Variants in KLHL3 observed in about 807,000 individuals in gnomAD.
The protein encoded by KLHL3 is kelch-like protein 3.
KLHL3 carries 19 observed loss-of-function variants against 70.5 expected under a neutral mutation model. The ratio of observed to expected loss-of-function variants is 0.27; its 90% confidence interval spans 0.19 to 0.40. The LOEUF (loss-of-function observed/expected upper bound fraction) is 0.40, where lower values mean the gene tolerates loss of function less well. Ranked by LOEUF, KLHL3 falls within the 10% of genes least tolerant of loss-of-function variation. The pLI, the probability that KLHL3 is intolerant of heterozygous loss-of-function variation, is 1.00. For synonymous variants in KLHL3, 258 were observed against 290.3 expected (o/e 0.89, Z 1.13); for missense variants, 512 against 771.1 (o/e 0.66, Z 3.98).
chr5:137,722,828 G>A (rs1036716096), intron 1 of KLHL3, among the ~76,000 whole-genome samples: 22 of 151,968 alleles, frequency 1.4e-4, no homozygotes, highest in East Asian at 7.7e-4. Flanking sequence ...CACCACAACC[G>A]GCTAATTTTT....
At chr5:137,717,830 A>T (rs1228725827) in intron 2 of KLHL3, among the ~76,000 whole-genome samples, 2 of 152,238 alleles carry the variant, frequency 1.3e-5, no homozygotes, top group African/African-American at 4.8e-5. Flanking sequence ...CTAGCCAGTC[A>T]AATATATATA....
intron 8 of KLHL3, among the ~76,000 whole-genome samples, chr5:137,655,993 G>GA (rs11442441): frequency 0.74 from 80,264 of 107,998 alleles, 29,235 homozygotes; most frequent in Middle Eastern, 0.84. Context: ...TCTGCCTCAA[G>GA]AAAAAAAAAA....
intron 4 of KLHL3, among the ~76,000 whole-genome samples, chr5:137,693,744 TGA>T (rs1246993040): frequency 2.6e-5 from 4 of 152,294 alleles, no homozygotes; most frequent in South Asian, 4.1e-4. Context: ...GCCCTGGCTC[TGA>T]GAGAGTGACT....
At chr5:137,664,425 A>C (rs1751562699) in intron 6 of KLHL3, among the ~76,000 whole-genome samples, 1 of 151,124 alleles carries the variant, frequency 6.6e-6, no homozygotes, top group Non-Finnish European at 1.5e-5. Context: ...TCTTATATCC[A>C]AAAAAAAATG....
chr5:137,681,133 GT>G (rs1752015456), intron 5 of KLHL3, among the ~76,000 whole-genome samples: 1 of 152,102 alleles, frequency 6.6e-6, no homozygotes, highest in Non-Finnish European at 1.5e-5. Context: ...AGTGGTATAG[GT>G]TATTCAGTTC....
At chr5:137,669,417 G>A (rs748567193) in intron 6 of KLHL3, among the ~76,000 whole-genome samples, 10 of 150,164 alleles carry the variant, frequency 6.7e-5, no homozygotes, top group Admixed American at 1.3e-4. Flanking sequence ...ATGAATGAAT[G>A]TATGTATGGT....
chr5:137,662,069 G>C (rs1421945665), intron 6 of KLHL3, 38 bp from the exon 7 acceptor site: 2 of 786,508 alleles, frequency 2.5e-6, no homozygotes, highest in East Asian at 6.6e-5. Flanking sequence ...TCAGTAAAGA[G>C]ACAAAAGCTT....
intron 8 of KLHL3, among the ~76,000 whole-genome samples, chr5:137,645,445 T>C (rs1277083864): frequency 2.0e-5 from 3 of 152,006 alleles, no homozygotes; most frequent in East Asian, 1.9e-4. Context: ...AATGAATAAA[T>C]GAATTGGCAA....
chr5:137,634,189 T>C, intron 11 of KLHL3, 24 bp from the exon 12 acceptor site: 1 of 1,586,664 alleles, frequency 6.3e-7, no homozygotes, highest in Non-Finnish European at 8.6e-7. Context: ...AGTGGCTGAG[T>C]GTGGTGCCAG....
Position 137,618,817 on chromosome 5 carries a change from C to T in KLHL3, c.*3281G>A, listed in dbSNP as rs1416413582. ...CGGGCAAGTGCTGAGTCGAACATAA[C>T]ATCAGTCCCTAGCAATTCAAGAAAC... On this transcript the variant is annotated 3_prime_UTR_variant, in exon 15 of 15. Transcript: ENST00000309755. 1 of 143,696 alleles carries T rather than the reference C, an allele frequency of 7.0e-6. No homozygotes were observed. The highest frequency in any genetic ancestry group is 1.5e-5 in the Non-Finnish European group (1 of 66,326). The allele number at this position is 143,696 out of a possible 1,614,324, so 8.9% of individuals were successfully genotyped here.
chr5:137,650,981 T>C (rs1282601136), intron 8 of KLHL3, among the ~76,000 whole-genome samples: 2 of 152,220 alleles, frequency 1.3e-5, no homozygotes, highest in Non-Finnish European at 2.9e-5. Context: ...TTTGGACTTG[T>C]AGGCTTGAAT....
chr5:137,716,721 C>T (rs766783056), intron 2 of KLHL3, among the ~76,000 whole-genome samples: 3 of 152,140 alleles, frequency 2.0e-5, no homozygotes, highest in South Asian at 2.1e-4. Flanking sequence ...CCCCTTACTG[C>T]GCAATCTCAA....
chr5:137,717,354 G>A (rs775481375), intron 2 of KLHL3, among the ~76,000 whole-genome samples: 18 of 152,146 alleles, frequency 1.2e-4, no homozygotes, highest in Non-Finnish European at 1.8e-4. Flanking sequence ...CAGACTTGTC[G>A]CCATTAGCTA....
chr5:137,690,199 C>T (rs190601449), intron 5 of KLHL3, among the ~76,000 whole-genome samples: 2,033 of 152,152 alleles, frequency 0.013, 45 homozygotes, highest in African/African-American at 0.046. Context: ...TGGTGGCAGG[C>T]GCCTGTAGTC....
rs1276932905 is a variant in KLHL3 at position 137,683,735 on chromosome 5, CTT to C, written c.527-6083_527-6082del. Reference sequence around the variant, plus strand: ...ATATTATGTGTTGTCCTCTCCCTCTCTTTCTCTCTCTCTCTCTCTCTAGCTCT... The same window carrying C: ...ATATTATGTGTTGTCCTCTCCCTCTCTCTCTCTCTCTCTCTCTCTAGCTCT... On this transcript the variant is annotated intron_variant, in intron 5 of 14. Coordinates refer to ENST00000309755, the MANE Select transcript of KLHL3 (RefSeq NM_017415.3). Among the ~76,000 whole-genome samples the C allele has an allele frequency of 1.4e-3, 204 of 147,198 alleles. 5 individuals carry two copies. In the Middle Eastern group the frequency reaches 0.024, roughly 17 times the overall value.
intron 3 of KLHL3, chr5:137,706,463 G>T: frequency 2.5e-6 from 2 of 809,390 alleles, no homozygotes; most frequent in Non-Finnish European, 3.0e-6. Context: ...GGGAGCATAA[G>T]CTGGTACAAC....
intron 2 of KLHL3, among the ~76,000 whole-genome samples, chr5:137,716,419 A>C (rs1227985357): frequency 6.6e-6 from 1 of 152,140 alleles, no homozygotes; most frequent in Non-Finnish European, 1.5e-5. Flanking sequence ...TTTCTTATAA[A>C]GGTTACAGCC....
Position 137,706,261 on chromosome 5 carries a change from T to C in KLHL3, c.241+3489A>G, listed in dbSNP as rs186903778. On this transcript the variant is annotated intron_variant, in intron 3 of 14. Coordinates refer to ENST00000309755, the MANE Select transcript of KLHL3 (RefSeq NM_017415.3). ...ACTTTCCTTTTGGCTTTAAACACAC[T>C]GATAGAAATGGATCTAACGAGAGTC... 4.1e-6 allele frequency: 4 copies of C among 985,454 alleles called. No individual in the cohort carries two copies. The East Asian group carries it at 3.4e-4, about 84-fold the overall frequency. The allele number at this position is 985,454 out of a possible 1,614,324, so 61.0% of individuals were successfully genotyped here.
At chr5:137,622,332 C>T (rs536741276) in intron 14 of KLHL3, among the ~76,000 whole-genome samples, 16 of 152,330 alleles carry the variant, frequency 1.1e-4, no homozygotes, top group African/African-American at 2.2e-4. Flanking sequence ...CTTGAACCTA[C>T]GAGCACAGTC....
Sources: allele counts gnomAD v4.1 joint callset (sites outside exome capture counted in the v4.1 genomes callset), GRCh38; gene constraint gnomAD v4.1.1; transcripts MANE v1.5; gene names NCBI Gene and HGNC (gene_info 2026-07-23, HGNC 2026-07-21).